The following ENOX1 variants were observed in gnomAD, a reference collection of about 807,000 sequenced individuals.
The protein encoded by ENOX1 is candidate growth-related and time keeping constitutive hydroquinone (NADH) oxidase.
A neutral mutation model predicts 82.5 loss-of-function variants in ENOX1; 42 were observed. That is an observed-to-expected ratio of 0.51 (90% CI 0.40 to 0.66). ENOX1 has a LOEUF of 0.66. Among genes scored for constraint, ENOX1 ranks in the 30% least tolerant of loss-of-function variants. The pLI is 0.00. For missense variants in ENOX1, 608 were observed against 811.6 expected (o/e 0.75, Z 3.05); for synonymous variants, 271 against 282.2 (o/e 0.96, Z 0.40).
intron 5 of ENOX1, among the ~76,000 whole-genome samples, chr13:43,392,409 T>A (rs1188041666): frequency 6.6e-6 from 1 of 152,174 alleles, no homozygotes; most frequent in Non-Finnish European, 1.5e-5. Context: ...CCGGGTGCAC[T>A]GGCTCACGCC....
intron 11 of ENOX1, among the ~76,000 whole-genome samples, chr13:43,309,510 C>T (rs975444707): frequency 2.6e-5 from 4 of 152,050 alleles, no homozygotes; most frequent in Admixed American, 6.6e-5. Flanking sequence ...GGAGAGGAAA[C>T]GCAGAAGGAA....
chr13:43,612,061 T>C (rs1188124863), intron 2 of ENOX1, among the ~76,000 whole-genome samples: 1 of 152,180 alleles, frequency 6.6e-6, no homozygotes, highest in Admixed American at 6.5e-5. Context: ...TAATAGCATA[T>C]TATTAAAGAG....
intron 12 of ENOX1, among the ~76,000 whole-genome samples, chr13:43,277,070 CCATT>C (rs902372731): frequency 3.3e-5 from 5 of 152,152 alleles, no homozygotes; most frequent in African/African-American, 1.2e-4. Flanking sequence ...GAGAACTCCA[CCATT>C]CAGACGACTG....
At chr13:43,385,394 A>G (rs1256691365) in intron 5 of ENOX1, among the ~76,000 whole-genome samples, 1 of 152,172 alleles carries the variant, frequency 6.6e-6, no homozygotes, top group Non-Finnish European at 1.5e-5. Flanking sequence ...CACAACAAAG[A>G]ACCCTAGTAA....
At chr13:43,541,115 C>A (rs966422555) in intron 2 of ENOX1, among the ~76,000 whole-genome samples, 1 of 149,854 alleles carries the variant, frequency 6.7e-6, no homozygotes. Flanking sequence ...ACAAATATCA[C>A]AAGCTTATGA....
chr13:43,538,827 C>A (rs995277983), intron 2 of ENOX1, among the ~76,000 whole-genome samples: 6 of 23,566 alleles, frequency 2.5e-4, no homozygotes, highest in Non-Finnish European at 4.4e-4. Flanking sequence ...CCTTTCCTCC[C>A]CGCCCCTGCC....
intron 10 of ENOX1, among the ~76,000 whole-genome samples, chr13:43,323,317 A>T (rs1201968801): frequency 6.6e-6 from 1 of 152,230 alleles, no homozygotes; most frequent in Admixed American, 6.5e-5. Flanking sequence ...AGAGCCACAG[A>T]TCTTAAGATC....
chr13:43,435,449 A>G (rs1004214001), intron 3 of ENOX1, among the ~76,000 whole-genome samples: 5 of 152,174 alleles, frequency 3.3e-5, no homozygotes, highest in African/African-American at 1.2e-4. Context: ...AGGATATCCT[A>G]TTGGCTCCTG....
At position 43,359,850 on chromosome 13, in the gene ENOX1, C is replaced by T. The variant is rs1343807876; in HGVS notation, c.589+1G>A. The T allele has an allele frequency of 6.2e-7, 1 of 1,613,856 alleles. No homozygotes were observed. Among genetic ancestry groups the T allele is most frequent in the Middle Eastern group, 1.7e-4 (1 of 6,052 alleles). On this transcript the variant is annotated splice_donor_variant, in intron 7 of 16. Coordinates refer to ENST00000690772, the MANE Select transcript of ENOX1 (RefSeq NM_001347969.2). LOFTEE classifies it high-confidence loss of function. ...AAAACTCCTTATGTAATGCAAAGTA[C>T]CAGAAAGGTAAATGGCTTTATCAAC...
rs185081582 is a variant in ENOX1, at chr13:43,220,063, T to A, written c.1800+3990A>T. Among the ~76,000 whole-genome samples the A allele has an allele frequency of 1.2e-3, 185 of 150,632 alleles. 1 individual carries two copies. Among genetic ancestry groups the A allele is most frequent in the Non-Finnish European group, 2.1e-3 (143 of 67,760 alleles). ...CACAGAGAGAAATACAAAATGTAGA[T>A]GGGGCAAAGGGAGGGGAGGAAGGAA... On this transcript the variant is annotated intron_variant, in intron 16 of 16. Coordinates refer to ENST00000690772, the MANE Select transcript of ENOX1 (RefSeq NM_001347969.2).
chr13:43,318,365 T>G (rs957520843), intron 11 of ENOX1, among the ~76,000 whole-genome samples: 4 of 152,202 alleles, frequency 2.6e-5, no homozygotes, highest in Non-Finnish European at 5.9e-5. Context: ...TTTTTTCAAA[T>G]GAGTCTTACA....
At chr13:43,563,625 C>T (rs1032769364) in intron 2 of ENOX1, among the ~76,000 whole-genome samples, 1 of 151,908 alleles carries the variant, frequency 6.6e-6, no homozygotes, top group Admixed American at 6.6e-5. Context: ...ATTGACAAAC[C>T]TTTACCTAGA....
intron 1 of ENOX1, among the ~76,000 whole-genome samples, chr13:43,760,306 C>T (rs747915695): frequency 1.6e-4 from 24 of 152,192 alleles, no homozygotes; most frequent in Non-Finnish European, 3.1e-4. Flanking sequence ...AGGTACTGCC[C>T]TGAATCACTA....
At chr13:43,713,723 G>A (rs865930360) in intron 1 of ENOX1, among the ~76,000 whole-genome samples, 6 of 151,688 alleles carry the variant, frequency 4.0e-5, no homozygotes, top group Middle Eastern at 6.8e-3. Context: ...AGTATTCTCT[G>A]ATGGTAGTTT....
chr13:43,626,226 C>T (rs1299660685), intron 2 of ENOX1, among the ~76,000 whole-genome samples: 1 of 151,686 alleles, frequency 6.6e-6, no homozygotes, highest in Non-Finnish European at 1.5e-5. Flanking sequence ...ATGTATCCTC[C>T]CTTTTTTGTC....
intron 5 of ENOX1, among the ~76,000 whole-genome samples, chr13:43,391,387 A>G (rs777177550): frequency 6.6e-6 from 1 of 152,016 alleles, no homozygotes; most frequent in Non-Finnish European, 1.5e-5. Context: ...GCTGATGAAC[A>G]CAGATCTCTC....
chr13:43,256,651 CA>C (rs1232086563), intron 14 of ENOX1, among the ~76,000 whole-genome samples: 2 of 151,900 alleles, frequency 1.3e-5, no homozygotes, highest in Admixed American at 6.6e-5. Context: ...ATCAAAAAGA[CA>C]AAAAATAATG....
At chr13:43,765,906 G>T (rs17065044) in intron 1 of ENOX1, among the ~76,000 whole-genome samples, 3,893 of 152,236 alleles carry the variant, frequency 0.026, 60 homozygotes, top group African/African-American at 0.046. Context: ...CATACAGTCT[G>T]CCTATACTCA....
intron 1 of ENOX1, among the ~76,000 whole-genome samples, chr13:43,687,337 C>T (rs1282646290): frequency 6.6e-6 from 1 of 152,170 alleles, no homozygotes. Context: ...ATGGCTGACA[C>T]AGTCATATTG....
Sources: allele counts gnomAD v4.1 joint callset (sites outside exome capture counted in the v4.1 genomes callset), GRCh38; gene constraint gnomAD v4.1.1; transcripts MANE v1.5; gene names NCBI Gene and HGNC (gene_info 2026-07-23, HGNC 2026-07-21).